The following ESCO1 variants were observed in gnomAD, a reference collection of about 807,000 sequenced individuals.
ESCO1 encodes the protein establishment of sister chromatid cohesion N-acetyltransferase 1.
In ESCO1, 33 loss-of-function variants were observed where a neutral mutation model predicts 83.5. The ratio of observed to expected loss-of-function variants is 0.40; its 90% confidence interval spans 0.30 to 0.53. The LOEUF (loss-of-function observed/expected upper bound fraction) is 0.53. Ranked by LOEUF, ESCO1 falls within the 20% of genes least tolerant of loss-of-function variation. The pLI, the probability that ESCO1 is intolerant of heterozygous loss-of-function variation, is 0.63. For missense variants in ESCO1, 855 were observed against 968.0 expected (o/e 0.88, Z 1.55); for synonymous variants, 332 against 324.3 (o/e 1.02, Z -0.25).
chr18:21,555,134 G>A (rs748860094), intron 8 of ESCO1, among the ~76,000 whole-genome samples: 5 of 151,986 alleles, frequency 3.3e-5, no homozygotes, highest in Non-Finnish European at 5.9e-5. Flanking sequence ...AGATGTTTAA[G>A]TGCATATTAC....
At chr18:21,592,208 G>A (rs1471975459) in intron 1 of ESCO1, among the ~76,000 whole-genome samples, 1 of 148,120 alleles carries the variant, frequency 6.8e-6, no homozygotes, top group African/African-American at 2.5e-5. Flanking sequence ...ACGGGGTGGT[G>A]GCCGGGCAGA....
intron 5 of ESCO1, among the ~76,000 whole-genome samples, chr18:21,566,897 GA>G (rs1407624775): frequency 6.6e-6 from 1 of 151,136 alleles, no homozygotes; most frequent in African/African-American, 2.4e-5. Context: ...ATTTTAGTCA[GA>G]ATAATAAAGG....
chr18:21,537,421 G>C (rs914563888), intron 9 of ESCO1, among the ~76,000 whole-genome samples: 11 of 152,182 alleles, frequency 7.2e-5, no homozygotes, highest in African/African-American at 2.2e-4. Context: ...AGTAGTCCCA[G>C]CTACTCAGGA....
chr18:21,555,793 C>T (rs1186007656), intron 8 of ESCO1, among the ~76,000 whole-genome samples: 1 of 151,926 alleles, frequency 6.6e-6, no homozygotes, highest in African/African-American at 2.4e-5. Flanking sequence ...CAGAGCGAGA[C>T]ACTGTCCCAA....
At chr18:21,579,165 T>G (rs1184404835) in intron 2 of ESCO1, among the ~76,000 whole-genome samples, 14 of 151,788 alleles carry the variant, frequency 9.2e-5, no homozygotes. Context: ...TGGCCTTTTT[T>G]GTACTTTTAG....
At chr18:21,563,108 T>C (rs887316629) in intron 7 of ESCO1, among the ~76,000 whole-genome samples, 13 of 152,028 alleles carry the variant, frequency 8.6e-5, no homozygotes, top group African/African-American at 3.1e-4. Flanking sequence ...CACCCTCAGG[T>C]GATCCGCCCA....
rs1014871385 is a variant in ESCO1, at chr18:21,530,120, T to C, written c.*223A>G. On this transcript the variant is annotated 3_prime_UTR_variant, in exon 12 of 12. Coordinates refer to ENST00000269214, the MANE Select transcript of ESCO1 (RefSeq NM_052911.3). ...TCTAAATAACTATAGATAAAATACATCAATCATAAATTTCTGTAAAAGATA... is the reference window on the plus strand; with the variant it reads ...TCTAAATAACTATAGATAAAATACACCAATCATAAATTTCTGTAAAAGATA... The C allele has an allele frequency of 5.9e-5, 22 of 375,702 alleles. No individual in the cohort carries two copies. The highest frequency in any genetic ancestry group is 9.4e-5 in the Non-Finnish European group (20 of 211,842). The allele number at this position is 375,702 out of a possible 1,614,324, so 23.3% of individuals were successfully genotyped here.
intron 7 of ESCO1, among the ~76,000 whole-genome samples, chr18:21,562,997 G>A (rs1041350596): frequency 6.7e-6 from 1 of 150,152 alleles, no homozygotes; most frequent in Non-Finnish European, 1.5e-5. Context: ...TTAGCCTCCC[G>A]AGCAGCTGGG....
chr18:21,573,212 C>A (rs1405110266), intron 4 of ESCO1, 102 bp downstream of exon 4: 1 of 1,194,132 alleles, frequency 8.4e-7, no homozygotes, highest in African/African-American at 1.6e-5. Context: ...TTAAACAACT[C>A]TTCAATCTTT....
intron 8 of ESCO1, among the ~76,000 whole-genome samples, chr18:21,552,691 T>C (rs190094927): frequency 5.4e-4 from 83 of 152,314 alleles, no homozygotes; most frequent in African/African-American, 1.9e-3. Context: ...CAGACTCATA[T>C]AAAAAGTCAA....
At chr18:21,540,369 TA>T (rs2146173903) in intron 8 of ESCO1, among the ~76,000 whole-genome samples, 1 of 152,288 alleles carries the variant, frequency 6.6e-6, no homozygotes, top group African/African-American at 2.4e-5. Context: ...AGATTCTTGA[TA>T]AAAGAATTAA....
intron 7 of ESCO1, among the ~76,000 whole-genome samples, chr18:21,561,207 A>G (rs1429838580): frequency 6.6e-6 from 1 of 152,196 alleles, no homozygotes; most frequent in African/African-American, 2.4e-5. Flanking sequence ...ACGGCATATA[A>G]CAATTTTTTA....
At chr18:21,564,404 T>C (rs1348092127) in intron 6 of ESCO1, 87 bp from the exon 7 acceptor site, 3 of 964,350 alleles carry the variant, frequency 3.1e-6, no homozygotes, top group African/African-American at 3.3e-5. Flanking sequence ...TTTCTTTTTT[T>C]TTTTGAGACG....
At position 21,566,179 on chromosome 18, in the gene ESCO1, A is replaced by G. The variant is rs2038257256; in HGVS notation, c.1673T>C (p.Leu558Pro). 6.2e-7 allele frequency: 1 copy of G among 1,613,468 alleles called. No individual in the cohort carries two copies. Among genetic ancestry groups the G allele is most frequent in the Non-Finnish European group, 8.5e-7 (1 of 1,179,688 alleles). Residue 558 changes from leucine (L) to proline (P), a missense_variant, in exon 6 of 12, where the codon CTC becomes CCC. This residue lies in a region of ESCO1 where 726 missense variants were observed against 699.5 expected (regional missense o/e 1.04). Coordinates refer to ENST00000269214, the MANE Select transcript of ESCO1 (RefSeq NM_052911.3). Reference protein sequence around the residue: ...PGSAPQQHSILSNQTSKSSDN... With the variant: ...PGSAPQQHSIPSNQTSKSSDN... ...ACTGCTTTTAGATGTCTGGTTACTG[A>G]GAATACTATGCTGTTGGGGAGCTGA...
chr18:21,590,133 C>T (rs2038643669), intron 1 of ESCO1, among the ~76,000 whole-genome samples: 1 of 151,460 alleles, frequency 6.6e-6, no homozygotes, highest in Non-Finnish European at 1.5e-5. Context: ...GGCCGCAAGT[C>T]CATCATGTCA....
intron 8 of ESCO1, among the ~76,000 whole-genome samples, chr18:21,548,776 C>A (rs901383603): frequency 2.2e-4 from 34 of 151,992 alleles, no homozygotes; most frequent in Middle Eastern, 3.2e-3. Flanking sequence ...CTTATCTCTA[C>A]AAAAAGTAAA....
intron 9 of ESCO1, among the ~76,000 whole-genome samples, chr18:21,536,590 CAAAAAAAAAAA>C (rs35366987): frequency 2.1e-5 from 2 of 96,836 alleles, no homozygotes; most frequent in Admixed American, 1.1e-4. Flanking sequence ...GACTCCATCT[CAAAAAAAAAAA>C]AAAAAAAAGT....
chr18:21,581,802 G>C (rs1269375754), intron 2 of ESCO1, among the ~76,000 whole-genome samples: 3 of 151,732 alleles, frequency 2.0e-5, no homozygotes, highest in African/African-American at 2.4e-5. Flanking sequence ...AGGATTGCTT[G>C]AGCCCAGGAG....
At position 21,575,049 on chromosome 18, in the gene ESCO1, T is replaced by C. The variant is rs1370497400; in HGVS notation, c.-206A>G. On this transcript the variant is annotated 5_prime_UTR_variant, in exon 4 of 12. It removes an upstream start codon present in the reference 5' UTR. Transcript: ENST00000269214. ...TCCTAGAACATGAGAAAAGCTGGCA[T>C]GAATGCTAAAAGACACTTGCTTTAC... 3 of 429,032 alleles carry C rather than the reference T, an allele frequency of 7.0e-6. No homozygotes were observed. The highest frequency in any genetic ancestry group is 1.2e-5 in the Non-Finnish European group (3 of 245,292). 26.6% of individuals were successfully genotyped at this position (429,032 alleles called of 1,614,324 possible).
Sources: gnomAD v4.1 joint callset for allele counts (sites outside exome capture counted in the v4.1 genomes callset) on GRCh38, gnomAD v4.1.1 for gene constraint, gnomAD v4.1.1 regional missense constraint, MANE v1.5 for transcripts, NCBI Gene and HGNC (gene_info 2026-07-23, HGNC 2026-07-21) for gene names.